Variants in NEDD1 observed in about 807,000 individuals in gnomAD.
NEDD1 encodes the protein NEDD1 gamma-tubulin ring complex targeting factor, also known as protein NEDD1.
Under a neutral mutation model 74.0 loss-of-function variants are expected in NEDD1, and 33 were observed. The ratio of observed to expected loss-of-function variants is 0.45; its 90% CI spans 0.34 to 0.60. The LOEUF (loss-of-function observed/expected upper bound fraction) is 0.60, where lower values mean the gene tolerates loss of function less well. NEDD1 is among the 20% of genes least tolerant of loss of function. NEDD1 has a pLI of 0.01. For synonymous variants in NEDD1, 250 were observed against 264.4 expected (o/e 0.95, Z 0.53); for missense variants, 746 against 776.5 (o/e 0.96, Z 0.47).
Position 96,944,793 on chromosome 12 carries a change from C to T in NEDD1, c.1652C>T (p.Pro551Leu). ...CCCCCAATCAATGGATCCTCAACTCCAAGTAAGTACATGAAACTTCCTGAT... is the reference window on the plus strand; with the variant it reads ...CCCCCAATCAATGGATCCTCAACTCTAAGTAAGTACATGAAACTTCCTGAT... ...CEPPINGSST[P>L]NPKIASSVTA... The change falls in exon 13 of 16, where the codon CCA becomes CTA. Residue 551 changes from proline (P) to leucine (L), a missense_variant and splice_region_variant. Pro to Leu is a moderately conservative substitution (Grantham distance 98). This residue lies in a region of NEDD1 where 706 missense variants were observed against 706.7 expected (regional missense o/e 1.00). Transcript: ENST00000266742. The T allele has an allele frequency of 6.5e-7, 1 of 1,540,978 alleles. No homozygotes were observed. The highest frequency in any genetic ancestry group is 8.7e-7 in the Non-Finnish European group (1 of 1,149,704).
chr12:96,928,284 C>A (rs761496020), intron 6 of NEDD1, among the ~76,000 whole-genome samples: 1 of 152,100 alleles, frequency 6.6e-6, no homozygotes, highest in Admixed American at 6.5e-5. Context: ...TTTTTAATGA[C>A]TGGATGTATT....
At chr12:96,915,053 G>A (rs1018345167) in intron 4 of NEDD1, among the ~76,000 whole-genome samples, 3 of 152,174 alleles carry the variant, frequency 2.0e-5, no homozygotes, top group Admixed American at 6.5e-5. Context: ...GTGACAACCA[G>A]ATTCTAAAGC....
chr12:96,947,137 A>T (rs1051230058), intron 14 of NEDD1, among the ~76,000 whole-genome samples: 1 of 152,188 alleles, frequency 6.6e-6, no homozygotes, highest in Non-Finnish European at 1.5e-5. Context: ...ACAAAGTTGC[A>T]TAGGTTTTTG....
intron 7 of NEDD1, 140 bp downstream of exon 7, chr12:96,935,345 G>A: frequency 1.6e-6 from 1 of 608,502 alleles, no homozygotes. Flanking sequence ...TAGTAAGAAA[G>A]AATTTTCTTC....
In NEDD1 at chr12:96,932,985, T is replaced by A. The variant is rs541690330; in HGVS notation, c.490-1991T>A. Among the ~76,000 whole-genome samples the A allele has an allele frequency of 7.9e-5, 12 of 151,692 alleles. No homozygotes were observed. In the East Asian group the frequency reaches 2.3e-3, roughly 29 times the overall value. ...TAGGTTTATCTGAAGGGAACATTTA[T>A]CATTATCTTTAGCCTTTTTTTTTTT... is the stretch of plus-strand genomic sequence containing the variant. On this transcript the variant is annotated intron_variant, in intron 6 of 15. Coordinates refer to ENST00000266742, the MANE Select transcript of NEDD1 (RefSeq NM_152905.4).
At chr12:96,931,579 A>G (rs1013514361) in intron 6 of NEDD1, among the ~76,000 whole-genome samples, 1 of 152,194 alleles carries the variant, frequency 6.6e-6, no homozygotes, top group South Asian at 2.1e-4. Flanking sequence ...ATGAATTACA[A>G]TTTTTTTCAT....
chr12:96,930,629 T>C (rs1355619257), intron 6 of NEDD1, among the ~76,000 whole-genome samples: 1 of 152,134 alleles, frequency 6.6e-6, no homozygotes. Context: ...AATTAGGTGT[T>C]CAGCTGTGGT....
chr12:96,937,117 C>A (rs1022478158), intron 8 of NEDD1, 81 bp from the exon 9 acceptor site: 8 of 773,202 alleles, frequency 1.0e-5, no homozygotes, highest in Non-Finnish European at 1.3e-5. Flanking sequence ...ATTTTTTAAT[C>A]TAACAGGGAA....
intron 6 of NEDD1, among the ~76,000 whole-genome samples, chr12:96,934,577 G>C (rs767621113): frequency 1.3e-5 from 2 of 150,582 alleles, no homozygotes; most frequent in African/African-American, 4.9e-5. Context: ...TCACTCTGTC[G>C]CCCAGGCTGG....
chr12:96,910,679 A>G (rs1873826877), intron 3 of NEDD1, among the ~76,000 whole-genome samples: 1 of 152,204 alleles, frequency 6.6e-6, no homozygotes, highest in Non-Finnish European at 1.5e-5. Context: ...AATAGCCTCT[A>G]GTTGTGACAA....
intron 7 of NEDD1, among the ~76,000 whole-genome samples, chr12:96,935,665 G>A (rs1316582356): frequency 6.6e-6 from 1 of 152,102 alleles, no homozygotes; most frequent in Admixed American, 6.6e-5. Context: ...GGCCTAAATT[G>A]TGTCCAGACA....
At chr12:96,918,822 A>G (rs1348220161) in intron 5 of NEDD1, among the ~76,000 whole-genome samples, 1 of 152,148 alleles carries the variant, frequency 6.6e-6, no homozygotes, top group Non-Finnish European at 1.5e-5. Flanking sequence ...CCATGTTCTT[A>G]ATTTCCCAAA....
intron 14 of NEDD1, among the ~76,000 whole-genome samples, chr12:96,947,356 A>G (rs567473564): frequency 2.6e-5 from 4 of 152,292 alleles, no homozygotes; most frequent in African/African-American, 9.6e-5. Context: ...TTAGAAAGGT[A>G]CACTGAAGAG....
At chr12:96,929,062 T>C (rs1257167973) in intron 6 of NEDD1, among the ~76,000 whole-genome samples, 1 of 151,956 alleles carries the variant, frequency 6.6e-6, no homozygotes, top group Non-Finnish European at 1.5e-5. Flanking sequence ...TTATAATTTT[T>C]AGTATTCTTT....
chr12:96,926,399 ACCATTAAAACAGAATACATG>A (rs762180041), intron 6 of NEDD1, among the ~76,000 whole-genome samples: 7 of 152,122 alleles, frequency 4.6e-5, no homozygotes, highest in Non-Finnish European at 1.0e-4. Flanking sequence ...AATAAGTTAT[ACCATTAAAACAGAATACATG>A]GGCTAGGAAA....
chr12:96,929,092 G>A (rs1341302208), intron 6 of NEDD1, among the ~76,000 whole-genome samples: 1 of 150,736 alleles, frequency 6.6e-6, no homozygotes, highest in Non-Finnish European at 1.5e-5. Context: ...TGGATTTTTT[G>A]TTGTTGCATT....
rs1271473201 is a variant in NEDD1 at position 96,907,319 on chromosome 12, T to C, written c.-262+19T>C. 2 of 359,366 alleles carry C rather than the reference T, an allele frequency of 5.6e-6. No individual in the cohort carries two copies. Among genetic ancestry groups the C allele is most frequent in the East Asian group, 4.9e-5 (1 of 20,608 alleles). 22.3% of individuals were successfully genotyped at this position (359,366 alleles called of 1,614,324 possible). On this transcript the variant is annotated intron_variant, in intron 1 of 15. Coordinates refer to ENST00000266742, the MANE Select transcript of NEDD1 (RefSeq NM_152905.4). Reference sequence around the variant, plus strand: ...CGGAGAGGTGAGGTTCCGGAGGCCCTGAGGTCAGCGGGCCCCCGCCCGCCG... The same window carrying C: ...CGGAGAGGTGAGGTTCCGGAGGCCCCGAGGTCAGCGGGCCCCCGCCCGCCG...
chr12:96,942,406 A>T (rs914472316), intron 10 of NEDD1, among the ~76,000 whole-genome samples, 171 bp from the exon 11 acceptor site: 1 of 152,140 alleles, frequency 6.6e-6, no homozygotes, highest in African/African-American at 2.4e-5. Context: ...AATGAAGCTA[A>T]AATAATGTAA....
Position 96,943,556 on chromosome 12 carries a change from C to G in NEDD1, c.1295-4C>G. On this transcript the variant is annotated splice_region_variant and splice_polypyrimidine_tract_variant and intron_variant, in intron 11 of 15. Transcript: ENST00000266742. ...TATGCACATGCAGTTTTTCCCTTTT[C>G]CAGGCTTTGACTTTCTACCGCAGTT... 1 of 1,609,688 alleles carries G rather than the reference C, an allele frequency of 6.2e-7. No homozygotes were observed. The highest frequency in any genetic ancestry group is 2.2e-5 in the East Asian group (1 of 44,822).
Sources: allele counts gnomAD v4.1 joint callset (sites outside exome capture counted in the v4.1 genomes callset), GRCh38; gene constraint gnomAD v4.1.1; regional missense constraint gnomAD v4.1.1; transcripts MANE v1.5; gene names NCBI Gene and HGNC (gene_info 2026-07-23, HGNC 2026-07-21).